ZNF862: variants seen among roughly 807,000 people sequenced by gnomAD.
ZNF862 encodes the protein zinc finger protein 862.
In ZNF862, 64 loss-of-function variants were observed where a neutral mutation model predicts 91.1. The observed-to-expected ratio is 0.70, with a 90% CI of 0.57 to 0.87. The LOEUF (loss-of-function observed/expected upper bound fraction) is 0.87. Ranked by LOEUF, ZNF862 falls within the 40% of genes least tolerant of loss-of-function variation. The probability of loss-of-function intolerance (pLI) is 0.00; values close to 1 mark genes in which losing one functional copy is unlikely to be tolerated. For synonymous variants in ZNF862, 631 were observed against 618.1 expected, an observed-to-expected ratio of 1.02 and a Z score of -0.31; for missense variants, 1,459 against 1,528.0, an observed-to-expected ratio of 0.95 and a Z score of 0.75.
intron 2 of ZNF862, among the ~76,000 whole-genome samples, chr7:149,845,663 A>G (rs1004599067): frequency 6.6e-6 from 1 of 152,122 alleles, no homozygotes; most frequent in East Asian, 1.9e-4. Context: ...AATTGCCAAT[A>G]TTTAGTTATT....
chr7:149,854,742 C>T (rs1802197816), intron 5 of ZNF862, among the ~76,000 whole-genome samples: 1 of 152,260 alleles, frequency 6.6e-6, no homozygotes, highest in Non-Finnish European at 1.5e-5. Context: ...GGAGCACTTT[C>T]AGCCCAGGAG....
intron 1 of ZNF862, chr7:149,841,257 T>C (rs1367995452): frequency 1.0e-6 from 1 of 985,336 alleles, no homozygotes; most frequent in African/African-American, 1.7e-5. Context: ...GTTTGGTCTA[T>C]TACTAGACTC....
chr7:149,861,019 ACT>A lies in ZNF862; in HGVS notation c.1861_1862del (p.Ser621AlafsTer44), dbSNP rs765381635. The A allele has an allele frequency of 1.9e-6, 3 of 1,612,956 alleles. No homozygotes were observed. In the Admixed American group the frequency reaches 5.0e-5, roughly 27 times the overall value. ...AGGGAGATCCTGGAGGACGTGCGGA[ACT>A]CGCCCTGTGTGAGCGTGCTGCTGGA... On this transcript the variant is annotated frameshift_variant, in exon 7 of 8. Coordinates refer to ENST00000223210, the MANE Select transcript of ZNF862 (RefSeq NM_001099220.3). LOFTEE classifies it high-confidence loss of function. This position sits in a 1 kb window ranked among gnomAD's most constrained non-coding sequence, Gnocchi z 6.7.
rs1802373996 is a variant in ZNF862 at position 149,859,406 on chromosome 7, T to C, written c.1118-16T>C. The C allele has an allele frequency of 6.4e-7, 1 of 1,558,440 alleles. No homozygotes were observed. Among genetic ancestry groups the C allele is most frequent in the African/African-American group, 1.4e-5 (1 of 73,430 alleles). ...CACAGCAGTGACATCAGCATGATTC[T>C]TCATCCTTACAACAGGACCTGCCGC... On this transcript the variant is annotated splice_polypyrimidine_tract_variant and intron_variant, in intron 5 of 7. Coordinates refer to ENST00000223210, the MANE Select transcript of ZNF862 (RefSeq NM_001099220.3).
chr7:149,854,071 T>C (rs1284064283), intron 5 of ZNF862, among the ~76,000 whole-genome samples: 1 of 152,170 alleles, frequency 6.6e-6, no homozygotes, highest in Non-Finnish European at 1.5e-5. Context: ...ATGTGGACAT[T>C]ATCTTAGGAG....
rs1288419878 is a variant in ZNF862 at position 149,862,041 on chromosome 7, C to T, written c.2881C>T (p.Leu961Phe). 2 of 1,613,848 alleles carry T rather than the reference C, an allele frequency of 1.2e-6. No individual in the cohort carries two copies. Among genetic ancestry groups the T allele is most frequent in the South Asian group, 1.1e-5 (1 of 91,082 alleles). Residue 961 changes from leucine to phenylalanine, a missense_variant, in exon 7 of 8, where the codon CTT becomes TTT. Transcript: ENST00000223210. ...CATGGCCTGGCCAAGTGGGATTGAA[C>T]TTGCCAGTTTTGGGAATGATGACAT... ...DTMAWPSGIE[L>F]ASFGNDDILN...
rs1395996528 is a variant in ZNF862 at position 149,864,432 on chromosome 7, G to T, written c.*148G>T. ...GGGCAGTGGCATCCCAGAGCAGCAG[G>T]GGTATCAGGAGGTGCATGACCTGTT... On this transcript the variant is annotated 3_prime_UTR_variant, in exon 8 of 8. Coordinates refer to ENST00000223210, the MANE Select transcript of ZNF862 (RefSeq NM_001099220.3). 3.8e-6 allele frequency: 3 copies of T among 794,598 alleles called. No homozygotes were observed. The highest frequency in any genetic ancestry group is 5.8e-6 in the Non-Finnish European group (3 of 513,426). 49.2% of individuals were successfully genotyped at this position (794,598 alleles called of 1,614,324 possible). A position where few individuals can be genotyped will look rare whatever the true frequency, so the allele number is the denominator to read the frequency against.
intron 1 of ZNF862, among the ~76,000 whole-genome samples, chr7:149,842,042 T>C (rs895939366): frequency 6.6e-6 from 1 of 152,176 alleles, no homozygotes; most frequent in African/African-American, 2.4e-5. Flanking sequence ...TCCTTAACAC[T>C]GGACTCCAGG....
chr7:149,864,388 T>G lies in ZNF862; in HGVS notation c.*104T>G. 13 of 1,255,158 alleles carry G rather than the reference T, an allele frequency of 1.0e-5. No individual in the cohort carries two copies. In the South Asian group the frequency reaches 1.8e-4, roughly 18 times the overall value. The allele number at this position is 1,255,158 out of a possible 1,614,324, so 77.8% of individuals were successfully genotyped here. A position where few individuals can be genotyped will look rare whatever the true frequency, so the allele number is the denominator to read the frequency against. Reference sequence around the variant, plus strand: ...TAGGATCTTCTGCTGGTGGCGATGGTCTCTAAGCACCAGGAAGTGGGCAGT... The same window carrying G: ...TAGGATCTTCTGCTGGTGGCGATGGGCTCTAAGCACCAGGAAGTGGGCAGT... On this transcript the variant is annotated 3_prime_UTR_variant, in exon 8 of 8. Transcript: ENST00000223210.
chr7:149,850,300 A>G lies in ZNF862; in HGVS notation c.1079A>G (p.Asp360Gly). 1 of 1,613,500 alleles carries G rather than the reference A, an allele frequency of 6.2e-7. No individual in the cohort carries two copies. Among genetic ancestry groups the G allele is most frequent in the East Asian group, 2.2e-5 (1 of 44,876 alleles). ...LDKRQKELYR[D>G]VMRMNYELLA... ...AAGCGGCAGAAGGAGCTGTACAGAG[A>G]CGTGATGCGGATGAACTACGAGCTG... The change falls in exon 5 of 8, where the codon GAC becomes GGC. Residue 360 changes from aspartate (D) to glycine (G), a missense_variant. Asp to Gly is a moderately conservative substitution (Grantham distance 94, BLOSUM62 -1). Transcript: ENST00000223210. The surrounding 1 kb of genome is among the most constrained non-coding windows in gnomAD (Gnocchi z 4.2).
chr7:149,844,162 T>C (rs1039426586), intron 1 of ZNF862, among the ~76,000 whole-genome samples: 9 of 152,190 alleles, frequency 5.9e-5, no homozygotes, highest in African/African-American at 2.2e-4. Context: ...GATGTAGATC[T>C]CAGCCCCAAA....
chr7:149,854,113 C>T (rs530205460), intron 5 of ZNF862, among the ~76,000 whole-genome samples: 4 of 152,178 alleles, frequency 2.6e-5, no homozygotes, highest in Non-Finnish European at 5.9e-5. Context: ...GCTTATAAAA[C>T]AATTGCATCC....
chr7:149,854,253 A>C (rs1415692179), intron 5 of ZNF862, among the ~76,000 whole-genome samples: 1 of 152,114 alleles, frequency 6.6e-6, no homozygotes, highest in Non-Finnish European at 1.5e-5. Flanking sequence ...TTCTAATTTC[A>C]GTGAGTGCAA....
intron 3 of ZNF862, among the ~76,000 whole-genome samples, 157 bp downstream of exon 3, chr7:149,846,412 C>G (rs1352048433): frequency 2.0e-5 from 3 of 152,242 alleles, no homozygotes; most frequent in African/African-American, 7.2e-5. Context: ...TAAATATACA[C>G]ACTGCCCCTA....
intron 7 of ZNF862, 43 bp downstream of exon 7, chr7:149,862,537 G>A: frequency 2.0e-6 from 3 of 1,525,976 alleles, no homozygotes; most frequent in Non-Finnish European, 2.6e-6. Context: ...GCCTCATGCT[G>A]AGCCAGAGGC....
chr7:149,847,410 C>T (rs774320372), intron 3 of ZNF862, among the ~76,000 whole-genome samples: 1 of 151,982 alleles, frequency 6.6e-6, no homozygotes, highest in Admixed American at 6.6e-5. Flanking sequence ...AATTTTGACT[C>T]CTGAAGATTG....
At position 149,848,195 on chromosome 7, in the gene ZNF862, C is replaced by T. The variant is rs745603355; in HGVS notation, c.702C>T (p.Leu234=). ...ATGTTCTGGCCAGCCCGGAGCCGCT[C>T]TTCACTGCAGATTGCCCCATATTCT... ...PGDVLASPEP[L]FTADCPIFYP... Residue 234 remains leucine (L), a synonymous_variant, in exon 4 of 8, where the codon CTC becomes CTT. Coordinates refer to ENST00000223210, the MANE Select transcript of ZNF862 (RefSeq NM_001099220.3). The T allele has an allele frequency of 1.2e-6, 2 of 1,614,024 alleles. No homozygotes were observed. The highest frequency in any genetic ancestry group is 1.1e-5 in the South Asian group (1 of 91,072).
At chr7:149,857,765 T>C (rs905710482) in intron 5 of ZNF862, among the ~76,000 whole-genome samples, 4 of 152,114 alleles carry the variant, frequency 2.6e-5, no homozygotes, top group Admixed American at 6.5e-5. Context: ...CATAGATCTT[T>C]TGAGGGGAGA....
Position 149,848,068 on chromosome 7 carries a change from A to G in ZNF862, c.575A>G (p.Tyr192Cys). Residue 192 changes from tyrosine to cysteine, a missense_variant, in exon 4 of 8, where the codon TAC becomes TGC. Coordinates refer to ENST00000223210, the MANE Select transcript of ZNF862 (RefSeq NM_001099220.3). ...CCATTCAAGGTGGAGACTCTCAAAT[A>G]CCACGCGAAGAGCAAGGCCCACATG... Reference protein sequence around the residue: ...TGPFKVETLKYHAKSKAHMFC... With the variant: ...TGPFKVETLKCHAKSKAHMFC... 1 of 1,614,052 alleles carries G rather than the reference A, an allele frequency of 6.2e-7. No homozygotes were observed. Among genetic ancestry groups the G allele is most frequent in the South Asian group, 1.1e-5 (1 of 91,084 alleles).
Sources: gnomAD v4.1 joint callset for allele counts (sites outside exome capture counted in the v4.1 genomes callset) on GRCh38, gnomAD v4.1.1 for gene constraint, Gnocchi (gnomAD v3.1) non-coding constraint, MANE v1.5 for transcripts, NCBI Gene and HGNC (gene_info 2026-07-23, HGNC 2026-07-21) for gene names.